SORCS1: variants seen among roughly 807,000 people sequenced by gnomAD.
SORCS1 encodes the protein VPS10 domain-containing receptor SorCS1.
SORCS1 carries 60 observed loss-of-function variants against 146.1 expected under a neutral mutation model. The observed-to-expected ratio is 0.41, with a 90% CI of 0.33 to 0.51. The LOEUF is 0.51. Ranked by LOEUF, SORCS1 falls within the 20% of genes least tolerant of loss-of-function variation. The pLI is 0.21. For synonymous variants in SORCS1, 637 were observed against 584.0 expected, an observed-to-expected ratio of 1.09 and a Z score of -1.31; for missense variants, 1,352 against 1,487.6, an observed-to-expected ratio of 0.91 and a Z score of 1.50.
chr10:106,958,416 T>C (rs1283107968), intron 1 of SORCS1, among the ~76,000 whole-genome samples: 1 of 152,198 alleles, frequency 6.6e-6, no homozygotes, highest in Non-Finnish European at 1.5e-5. Flanking sequence ...TGTAAGCTGC[T>C]GAGGAATGCT....
chr10:106,765,109 G>A (rs1171523405), intron 4 of SORCS1, among the ~76,000 whole-genome samples: 1 of 151,650 alleles, frequency 6.6e-6, no homozygotes, highest in Non-Finnish European at 1.5e-5. Context: ...AACTGAAGGA[G>A]CAGAAATGTT....
chr10:106,656,100 A>C (rs1001769733), intron 17 of SORCS1, among the ~76,000 whole-genome samples: 2 of 152,194 alleles, frequency 1.3e-5, no homozygotes, highest in Non-Finnish European at 2.9e-5. Flanking sequence ...CTTTGATATT[A>C]CCGATGGCTC....
At chr10:107,084,822 T>C (rs1963641534) in intron 1 of SORCS1, among the ~76,000 whole-genome samples, 1 of 152,220 alleles carries the variant, frequency 6.6e-6, no homozygotes, top group Admixed American at 6.5e-5. Context: ...GAGTTTATTT[T>C]TATAAACTAC....
chr10:106,730,296 A>G (rs758505818), intron 5 of SORCS1, among the ~76,000 whole-genome samples, 182 bp from the exon 6 acceptor site: 5 of 152,236 alleles, frequency 3.3e-5, no homozygotes, highest in Non-Finnish European at 5.9e-5. Context: ...TAAAATAAAA[A>G]TGATAATGAA....
intron 2 of SORCS1, among the ~76,000 whole-genome samples, chr10:106,838,367 T>C (rs2137100327): frequency 6.6e-6 from 1 of 152,200 alleles, no homozygotes; most frequent in East Asian, 1.9e-4. Context: ...ATGCATAGCT[T>C]TCCCCATTAT....
chr10:106,688,134 AAT>A lies in SORCS1; in HGVS notation c.1560+56_1560+57del, dbSNP rs147282766. On this transcript the variant is annotated intron_variant, in intron 10 of 25. Transcript: ENST00000263054. ...CCAGAACTATCCTCACCCTCTGTTA[AAT>A]ATCCATTTCCATCCCTCTACTGTGT... The A allele has an allele frequency of 1.6e-3, 2,494 of 1,573,950 alleles. 34 individuals carry two copies. In the African/African-American group the frequency reaches 0.029, roughly 18 times the overall value.
intron 5 of SORCS1, among the ~76,000 whole-genome samples, chr10:106,746,314 C>T (rs932877457): frequency 6.6e-6 from 1 of 152,176 alleles, no homozygotes; most frequent in African/African-American, 2.4e-5. Context: ...GATATGGGAA[C>T]TCTCTGTATT....
chr10:106,611,402 A>T (rs980710483), intron 22 of SORCS1, among the ~76,000 whole-genome samples: 2 of 150,386 alleles, frequency 1.3e-5, no homozygotes, highest in East Asian at 2.0e-4. Flanking sequence ...AAATTTCTTT[A>T]AAAAAATGAG....
chr10:107,130,678 A>G (rs943299208), intron 1 of SORCS1, among the ~76,000 whole-genome samples: 106 of 152,154 alleles, frequency 7.0e-4, no homozygotes, highest in African/African-American at 2.5e-3. Flanking sequence ...TCCTACCTGA[A>G]GGTGAACAGA....
intron 1 of SORCS1, among the ~76,000 whole-genome samples, chr10:107,075,612 T>C (rs1271436603): frequency 1.3e-5 from 2 of 152,124 alleles, no homozygotes; most frequent in Admixed American, 6.5e-5. Context: ...AATTTCTCCA[T>C]TCATATGCTT....
intron 19 of SORCS1, among the ~76,000 whole-genome samples, chr10:106,625,082 A>C (rs1490902341): frequency 6.6e-6 from 1 of 152,228 alleles, no homozygotes; most frequent in Admixed American, 6.5e-5. Flanking sequence ...CTTCCTGGAA[A>C]GGTGGTTGAG....
intron 3 of SORCS1, among the ~76,000 whole-genome samples, chr10:106,828,391 A>G (rs186745118): frequency 6.6e-6 from 1 of 152,304 alleles, no homozygotes; most frequent in Admixed American, 6.5e-5. Context: ...CCTAATCCAG[A>G]GCAACAGTGG....
At chr10:107,062,347 C>T (rs1961305109) in intron 1 of SORCS1, among the ~76,000 whole-genome samples, 6 of 151,944 alleles carry the variant, frequency 3.9e-5, no homozygotes, top group Admixed American at 3.9e-4. Flanking sequence ...TCTAGTATTT[C>T]AACCACAACA....
chr10:106,988,225 T>G (rs987357442), intron 1 of SORCS1, among the ~76,000 whole-genome samples: 2 of 152,208 alleles, frequency 1.3e-5, no homozygotes, highest in African/African-American at 2.4e-5. Flanking sequence ...CACTTCCACC[T>G]GGGGAGCAAA....
At chr10:106,593,794 T>C (rs752750825) in intron 24 of SORCS1, among the ~76,000 whole-genome samples, 25 of 152,226 alleles carry the variant, frequency 1.6e-4, no homozygotes, top group Non-Finnish European at 1.5e-4. Context: ...TTTTTTTCTT[T>C]GGTGACTTTG....
At chr10:106,814,992 C>G (rs1947665654) in intron 3 of SORCS1, among the ~76,000 whole-genome samples, 1 of 150,894 alleles carries the variant, frequency 6.6e-6, no homozygotes, top group Admixed American at 6.6e-5. Flanking sequence ...CGGAGTCTCA[C>G]TCTGTTGCCT....
At chr10:107,078,420 C>T (rs1271476610) in intron 1 of SORCS1, among the ~76,000 whole-genome samples, 3 of 152,190 alleles carry the variant, frequency 2.0e-5, no homozygotes, top group African/African-American at 7.2e-5. Flanking sequence ...GGACAGAAGC[C>T]TGTTTGTGGA....
At chr10:106,976,653 G>A (rs1956037913) in intron 1 of SORCS1, among the ~76,000 whole-genome samples, 1 of 151,984 alleles carries the variant, frequency 6.6e-6, no homozygotes. Context: ...GTTTTAAGCC[G>A]CACATGCATT....
At chr10:107,038,001 A>T (rs557346970) in intron 1 of SORCS1, among the ~76,000 whole-genome samples, 1 of 152,064 alleles carries the variant, frequency 6.6e-6, no homozygotes, top group East Asian at 1.9e-4. Context: ...TAGTTTTTGT[A>T]TTTTTAGTAG....
Sources: gnomAD v4.1 joint callset for allele counts (sites outside exome capture counted in the v4.1 genomes callset) on GRCh38, gnomAD v4.1.1 for gene constraint, MANE v1.5 for transcripts, NCBI Gene and HGNC (gene_info 2026-07-23, HGNC 2026-07-21) for gene names.